The following WDR12 variants were observed in gnomAD, a reference collection of about 807,000 sequenced individuals.
The protein encoded by WDR12 is ribosome biogenesis protein WDR12.
WDR12 carries 42 observed loss-of-function variants against 64.3 expected under a neutral mutation model. The ratio of observed to expected loss-of-function variants is 0.65; its 90% CI spans 0.51 to 0.84. The LOEUF (loss-of-function observed/expected upper bound fraction) is 0.84, where lower values mean the gene tolerates loss of function less well. WDR12 is among the 40% of genes least tolerant of loss of function. The pLI is 0.00. For missense variants in WDR12, 469 were observed against 494.6 expected, an observed-to-expected ratio of 0.95 and a Z score of 0.49; for synonymous variants, 158 against 173.3, an observed-to-expected ratio of 0.91 and a Z score of 0.70.
At chr2:202,887,910 A>G (rs1166552682) in intron 8 of WDR12, among the ~76,000 whole-genome samples, 3 of 151,758 alleles carry the variant, frequency 2.0e-5, no homozygotes, top group Non-Finnish European at 4.4e-5. Flanking sequence ...AAAAAAAAAA[A>G]AAAGAAAATG....
intron 6 of WDR12, 78 bp downstream of exon 6, chr2:202,895,987 A>C: frequency 6.6e-7 from 1 of 1,517,042 alleles, no homozygotes; most frequent in East Asian, 2.3e-5. Context: ...AACACAATGA[A>C]TATATGCAGA....
chr2:202,904,138 CAAAAAAAAAAAAAAA>C (rs34378996), intron 2 of WDR12, among the ~76,000 whole-genome samples: 2 of 38,534 alleles, frequency 5.2e-5, no homozygotes, highest in East Asian at 6.9e-4. Context: ...AACTCTGTCT[CAAAAAAAAAAAAAAA>C]AAAAAAAAAA....
chr2:202,891,226 C>CAGTGGTG (rs1688151452), intron 8 of WDR12, among the ~76,000 whole-genome samples: 1 of 151,964 alleles, frequency 6.6e-6, no homozygotes, highest in African/African-American at 2.4e-5. Flanking sequence ...GGCTAGAGTC[C>CAGTGGTG]AGTGGTGCAA....
At chr2:202,895,326 TAA>T (rs1476913061) in intron 6 of WDR12, among the ~76,000 whole-genome samples, 1 of 152,196 alleles carries the variant, frequency 6.6e-6, no homozygotes, top group East Asian at 1.9e-4. Flanking sequence ...TTTGTCATGA[TAA>T]AGAGTAGATT....
At chr2:202,898,402 T>C (rs1166222357) in intron 4 of WDR12, among the ~76,000 whole-genome samples, 2 of 152,194 alleles carry the variant, frequency 1.3e-5, no homozygotes, top group African/African-American at 2.4e-5. Context: ...CCACCTGCCT[T>C]AGGCTCCCAA....
intron 11 of WDR12, among the ~76,000 whole-genome samples, chr2:202,883,006 TATTTC>T (rs2105902660): frequency 6.6e-6 from 1 of 152,348 alleles, no homozygotes; most frequent in Admixed American, 6.5e-5. Flanking sequence ...AAAAAAATGT[TATTTC>T]ATTTTAAGAA....
chr2:202,895,812 G>A (rs1688231561), intron 6 of WDR12, among the ~76,000 whole-genome samples: 1 of 151,692 alleles, frequency 6.6e-6, no homozygotes, highest in Non-Finnish European at 1.5e-5. Context: ...TTACAGGCGT[G>A]AGCCACCGCG....
At chr2:202,891,883 G>C (rs1193390538) in intron 8 of WDR12, among the ~76,000 whole-genome samples, 1 of 152,176 alleles carries the variant, frequency 6.6e-6, no homozygotes, top group African/African-American at 2.4e-5. Flanking sequence ...GAAGCACAGA[G>C]TACAACAGTG....
chr2:202,888,869 T>G (rs1215160083), intron 8 of WDR12, among the ~76,000 whole-genome samples: 1 of 152,076 alleles, frequency 6.6e-6, no homozygotes, highest in Non-Finnish European at 1.5e-5. Flanking sequence ...CACACTACCA[T>G]GCCTGGCTAA....
Position 202,911,488 on chromosome 2 carries a change from C to T in WDR12, c.-12G>A. 3 of 1,613,904 alleles carry T rather than the reference C, an allele frequency of 1.9e-6. No homozygotes were observed. The highest frequency in any genetic ancestry group is 1.1e-5 in the South Asian group (1 of 91,072). ...TGGAGCTGAGCCATGGCGAGGAGTACACACGACTTGCCCACGGAAACGTAC... is the reference window on the plus strand; with the variant it reads ...TGGAGCTGAGCCATGGCGAGGAGTATACACGACTTGCCCACGGAAACGTAC... On this transcript the variant is annotated 5_prime_UTR_variant, in exon 1 of 13. Coordinates refer to ENST00000261015, the MANE Select transcript of WDR12 (RefSeq NM_018256.4).
At chr2:202,890,390 G>A (rs1445532573) in intron 8 of WDR12, among the ~76,000 whole-genome samples, 2 of 152,222 alleles carry the variant, frequency 1.3e-5, no homozygotes, top group African/African-American at 4.8e-5. Flanking sequence ...CTGGTTGAGA[G>A]GCAGGCTAGA....
chr2:202,902,650 G>A (rs1016195381), intron 2 of WDR12, among the ~76,000 whole-genome samples: 4 of 150,578 alleles, frequency 2.7e-5, no homozygotes, highest in African/African-American at 9.7e-5. Context: ...GGTTTGCCAG[G>A]GATTCTCAGG....
rs553813932 is a variant in WDR12 at position 202,890,626 on chromosome 2, C to T, written c.741+1991G>A. 3.2e-4 allele frequency among the ~76,000 whole-genome samples: 49 copies of T among 152,006 alleles called. 1 individual carries two copies. Among genetic ancestry groups the T allele is most frequent in the African/African-American group, 1.1e-3 (44 of 41,456 alleles). On this transcript the variant is annotated intron_variant, in intron 8 of 12. Coordinates refer to ENST00000261015, the MANE Select transcript of WDR12 (RefSeq NM_018256.4). ...CTACAAAAAAAATACAAAAAATTAGCCAGGCATGGTGGCGGGTGCCTATAA... is the reference window on the plus strand; with the variant it reads ...CTACAAAAAAAATACAAAAAATTAGTCAGGCATGGTGGCGGGTGCCTATAA...
chr2:202,898,141 C>A (rs1360404535), intron 4 of WDR12, among the ~76,000 whole-genome samples: 4 of 151,450 alleles, frequency 2.6e-5, no homozygotes, highest in African/African-American at 9.7e-5. Context: ...TAAGGAATAC[C>A]CAACCTGTAG....
intron 11 of WDR12, 129 bp downstream of exon 11, chr2:202,883,480 G>A: frequency 8.6e-7 from 1 of 1,168,618 alleles, no homozygotes; most frequent in Non-Finnish European, 1.2e-6. Flanking sequence ...ATCAGTATTT[G>A]TCACATGAGG....
At chr2:202,894,027 T>C (rs1216210183) in intron 7 of WDR12, among the ~76,000 whole-genome samples, 3 of 152,124 alleles carry the variant, frequency 2.0e-5, no homozygotes, top group African/African-American at 7.2e-5. Flanking sequence ...ACTTTGAGAA[T>C]CAAGGTATTT....
At chr2:202,882,168 A>T (rs1267600459) in intron 12 of WDR12, among the ~76,000 whole-genome samples, 1 of 152,000 alleles carries the variant, frequency 6.6e-6, no homozygotes, top group Non-Finnish European at 1.5e-5. Context: ...GGGCTCAAAG[A>T]ATCTTCCCCC....
At chr2:202,889,345 A>T (rs1688105924) in intron 8 of WDR12, among the ~76,000 whole-genome samples, 1 of 152,190 alleles carries the variant, frequency 6.6e-6, no homozygotes, top group African/African-American at 2.4e-5. Context: ...ACAAATCAGT[A>T]AGTAAAAACA....
chr2:202,896,309 G>T (rs143012916), intron 5 of WDR12, 90 bp from the exon 6 acceptor site: 1 of 1,370,912 alleles, frequency 7.3e-7, no homozygotes, highest in Non-Finnish European at 9.7e-7. Context: ...AAATTTTTTT[G>T]TTGTTATTGA....
Sources: allele counts gnomAD v4.1 joint callset (sites outside exome capture counted in the v4.1 genomes callset), GRCh38; gene constraint gnomAD v4.1.1; transcripts MANE v1.5; gene names NCBI Gene and HGNC (gene_info 2026-07-23, HGNC 2026-07-21).